The following CPVL variants were observed in gnomAD, a reference collection of about 807,000 sequenced individuals.
The protein encoded by CPVL is probable serine carboxypeptidase CPVL.
CPVL carries 51 observed loss-of-function variants against 63.7 expected under a neutral mutation model. The observed-to-expected ratio is 0.80, with a 90% CI of 0.64 to 1.01. The LOEUF (loss-of-function observed/expected upper bound fraction) is 1.01, where lower values mean the gene tolerates loss of function less well. CPVL is among the 50% of genes least tolerant of loss of function. The pLI, the probability that CPVL is intolerant of heterozygous loss-of-function variation, is 0.00. For synonymous variants in CPVL, 195 were observed against 206.0 expected, an observed-to-expected ratio of 0.95 and a Z score of 0.46; for missense variants, 530 against 573.1, an observed-to-expected ratio of 0.92 and a Z score of 0.77.
intron 2 of CPVL, among the ~76,000 whole-genome samples, chr7:29,120,620 G>A (rs1472197035): frequency 5.3e-5 from 8 of 150,484 alleles, no homozygotes; most frequent in Non-Finnish European, 4.4e-5. Context: ...TCAAGAGATC[G>A]AGACCATCCT....
chr7:29,130,521 A>G (rs1209334393), intron 1 of CPVL, among the ~76,000 whole-genome samples: 1 of 152,208 alleles, frequency 6.6e-6, no homozygotes, highest in Non-Finnish European at 1.5e-5. Flanking sequence ...CCGTTCACTA[A>G]CAGACAGCAC....
chr7:29,079,982 T>C (rs1438231533), intron 7 of CPVL, among the ~76,000 whole-genome samples: 1 of 151,720 alleles, frequency 6.6e-6, no homozygotes, highest in African/African-American at 2.4e-5. Context: ...GGAAGAAGCA[T>C]GGAGAAATAG....
intron 5 of CPVL, among the ~76,000 whole-genome samples, chr7:29,171,809 A>C (rs1040654698): frequency 7.2e-5 from 11 of 152,170 alleles, no homozygotes; most frequent in Non-Finnish European, 1.6e-4. Context: ...TGAATCCATC[A>C]CTTTTTAAGA....
chr7:28,997,227 T>C (rs1454992780), intron 12 of CPVL, among the ~76,000 whole-genome samples: 1 of 152,182 alleles, frequency 6.6e-6, no homozygotes, highest in Non-Finnish European at 1.5e-5. Context: ...ATGTGGAGAA[T>C]GGACAGGAGG....
At chr7:29,194,925 G>C in intron 1 of CPVL, 1 of 1,556,352 alleles carries the variant, frequency 6.4e-7, no homozygotes. Flanking sequence ...GAGCAGCGAC[G>C]CGAGGGGCGC....
chr7:29,177,284 C>T (rs1668759856), intron 5 of CPVL, among the ~76,000 whole-genome samples: 1 of 150,524 alleles, frequency 6.6e-6, no homozygotes, highest in African/African-American at 2.5e-5. Context: ...GACAGAGTCT[C>T]ACTCTGTCAT....
At chr7:29,027,677 T>G (rs317744) in intron 12 of CPVL, among the ~76,000 whole-genome samples, 127,794 of 152,146 alleles carry the variant, frequency 0.84, 54,382 homozygotes, top group African/African-American at 0.96. Flanking sequence ...CATTTCTATA[T>G]ACTAATAATG....
intron 11 of CPVL, among the ~76,000 whole-genome samples, chr7:29,050,714 A>G (rs1007680796): frequency 3.3e-5 from 5 of 152,056 alleles, no homozygotes; most frequent in African/African-American, 1.2e-4. Flanking sequence ...AAATACCACC[A>G]TCATTCTTCA....
intron 3 of CPVL, among the ~76,000 whole-genome samples, chr7:29,098,835 G>C (rs1786732018): frequency 6.6e-6 from 1 of 152,140 alleles, no homozygotes; most frequent in African/African-American, 2.4e-5. Context: ...GGTCGAGGCG[G>C]GCGGATCACC....
At chr7:29,169,455 T>C (rs1796321137) in intron 5 of CPVL, among the ~76,000 whole-genome samples, 1 of 152,228 alleles carries the variant, frequency 6.6e-6, no homozygotes, top group African/African-American at 2.4e-5. Context: ...TTTGTTTTTA[T>C]ATAAATGTTT....
In CPVL at chr7:29,135,928, T is replaced by G. The variant is rs965327327; in HGVS notation, c.-11+10501A>C. On this transcript the variant is annotated intron_variant, in intron 1 of 12. Transcript: ENST00000265394. Reference sequence around the variant, plus strand: ...CATATACAGCTTGGGAACCAGCCAGTTTTTTTTGTTTGTTTGTTTCTCATA... The same window carrying G: ...CATATACAGCTTGGGAACCAGCCAGGTTTTTTTGTTTGTTTGTTTCTCATA... Among the ~76,000 whole-genome samples, 8 of 152,126 alleles carry G rather than the reference T, an allele frequency of 5.3e-5. No individual in the cohort carries two copies. In the East Asian group the frequency reaches 1.4e-3, roughly 26 times the overall value.
At chr7:29,179,841 A>C (rs1193490031) in intron 5 of CPVL, among the ~76,000 whole-genome samples, 1 of 152,230 alleles carries the variant, frequency 6.6e-6, no homozygotes, top group Non-Finnish European at 1.5e-5. Context: ...GAGTTAGTGC[A>C]TGTGAGGATT....
intron 11 of CPVL, among the ~76,000 whole-genome samples, chr7:29,036,300 T>C (rs1037373869): frequency 6.6e-6 from 1 of 152,186 alleles, no homozygotes; most frequent in South Asian, 2.1e-4. Context: ...AATGAGACCA[T>C]GTACACAAAG....
Position 29,134,423 on chromosome 7 carries a change from T to C in CPVL, c.-11+12006A>G, listed in dbSNP as rs568550786. On this transcript the variant is annotated intron_variant, in intron 1 of 12. Coordinates refer to ENST00000265394, the MANE Select transcript of CPVL (RefSeq NM_031311.5). Reference sequence around the variant, plus strand: ...TATGTAAATAGACTTCAAGGAACCATTGGGTATTTGAGCAAAGCCTCCAAC... The same window carrying C: ...TATGTAAATAGACTTCAAGGAACCACTGGGTATTTGAGCAAAGCCTCCAAC... Among the ~76,000 whole-genome samples, 5 of 152,298 alleles carry C rather than the reference T, an allele frequency of 3.3e-5. No homozygotes were observed. In the East Asian group the frequency reaches 9.6e-4, roughly 29 times the overall value.
intron 5 of CPVL, among the ~76,000 whole-genome samples, chr7:29,156,180 C>T (rs987024111): frequency 6.6e-6 from 1 of 152,126 alleles, no homozygotes; most frequent in Non-Finnish European, 1.5e-5. Flanking sequence ...ATCTTCCATT[C>T]CCCCACTGGA....
intron 2 of CPVL, among the ~76,000 whole-genome samples, chr7:29,114,932 G>C (rs1788632142): frequency 6.6e-6 from 1 of 152,156 alleles, no homozygotes; most frequent in Non-Finnish European, 1.5e-5. Context: ...CTGAGCAGAG[G>C]AGGTCATGGG....
chr7:29,167,005 A>G (rs1796009218), intron 5 of CPVL, among the ~76,000 whole-genome samples: 1 of 152,112 alleles, frequency 6.6e-6, no homozygotes, highest in Non-Finnish European at 1.5e-5. Context: ...TGCATAGAGT[A>G]CATATACTGT....
chr7:29,082,492 A>C (rs1293880903), intron 7 of CPVL: 1 of 152,234 alleles, frequency 6.6e-6, no homozygotes, highest in Non-Finnish European at 1.5e-5. Flanking sequence ...GACAAACTAG[A>C]CTGAATAAAT....
intron 6 of CPVL, among the ~76,000 whole-genome samples, chr7:29,091,471 G>A (rs1246233604): frequency 1.3e-5 from 2 of 152,168 alleles, no homozygotes; most frequent in African/African-American, 2.4e-5. Flanking sequence ...GAGAGCCCTG[G>A]CCCTGGCTCT....
Sources: gnomAD v4.1 joint callset for allele counts (sites outside exome capture counted in the v4.1 genomes callset) on GRCh38, gnomAD v4.1.1 for gene constraint, MANE v1.5 for transcripts, NCBI Gene and HGNC (gene_info 2026-07-23, HGNC 2026-07-21) for gene names.